The following WDPCP variants were observed in gnomAD, a reference collection of about 807,000 sequenced individuals.
WDPCP encodes WD repeat containing planar cell polarity effector, also known as WD repeat-containing and planar cell polarity effector protein fritz homolog.
WDPCP carries 71 observed loss-of-function variants against 93.1 expected under a neutral mutation model. That is an observed-to-expected ratio of 0.76 (90% CI 0.63 to 0.93). The LOEUF (loss-of-function observed/expected upper bound fraction) is 0.93, where lower values mean the gene tolerates loss of function less well. Ranked by LOEUF, WDPCP falls within the 40% of genes least tolerant of loss-of-function variation. The probability of loss-of-function intolerance (pLI) is 0.00; values close to 1 mark genes in which losing one functional copy is unlikely to be tolerated. For synonymous variants in WDPCP, 315 were observed against 315.0 expected (o/e 1.00, Z 0.00); for missense variants, 844 against 887.4 (o/e 0.95, Z 0.62).
At chr2:63,199,112 C>T (rs967954079) in intron 14 of WDPCP, among the ~76,000 whole-genome samples, 3 of 152,158 alleles carry the variant, frequency 2.0e-5, no homozygotes, top group African/African-American at 7.2e-5. Flanking sequence ...AGCAGCAAAG[C>T]ATTCAAGGTT....
intron 2 of WDPCP, among the ~76,000 whole-genome samples, chr2:63,779,900 T>C (rs1206807810): frequency 6.6e-6 from 1 of 152,216 alleles, no homozygotes. Context: ...AATTATACTT[T>C]CATTTCTTTT....
intron 2 of WDPCP, among the ~76,000 whole-genome samples, chr2:63,697,678 C>T (rs1290212299): frequency 1.3e-5 from 2 of 152,120 alleles, no homozygotes; most frequent in African/African-American, 2.4e-5. Flanking sequence ...AACAGAGTCT[C>T]ACTCTGTCAC....
intron 9 of WDPCP, among the ~76,000 whole-genome samples, chr2:63,408,783 G>C (rs537232668): frequency 1.3e-5 from 2 of 152,060 alleles, no homozygotes; most frequent in Admixed American, 6.6e-5. Flanking sequence ...GGCTCTCCCC[G>C]ACTTCCCTGA....
intron 2 of WDPCP, among the ~76,000 whole-genome samples, chr2:63,788,334 T>C (rs192275032): frequency 3.0e-4 from 46 of 152,228 alleles, no homozygotes; most frequent in Middle Eastern, 3.4e-3. Flanking sequence ...AATTTTCCAA[T>C]AGGGAGTCTA....
chr2:63,735,840 C>T (rs6709123), intron 2 of WDPCP, among the ~76,000 whole-genome samples: 62,385 of 152,116 alleles, frequency 0.41, 14,551 homozygotes, highest in African/African-American at 0.64. Context: ...CAAGCTTTGA[C>T]TGACTGGTGA....
chr2:63,715,814 T>G (rs1415487896), intron 2 of WDPCP, among the ~76,000 whole-genome samples: 1 of 152,130 alleles, frequency 6.6e-6, no homozygotes, highest in African/African-American at 2.4e-5. Flanking sequence ...CCATTCGTCA[T>G]AAAATCAGAG....
At chr2:63,797,139 C>A (rs1483204664) in intron 2 of WDPCP, among the ~76,000 whole-genome samples, 2 of 152,120 alleles carry the variant, frequency 1.3e-5, no homozygotes, top group Admixed American at 6.5e-5. Flanking sequence ...GATTCATTAC[C>A]TGTTAACTAA....
At chr2:63,728,106 T>A (rs1255249107) in intron 2 of WDPCP, among the ~76,000 whole-genome samples, 1 of 152,216 alleles carries the variant, frequency 6.6e-6, no homozygotes, top group African/African-American at 2.4e-5. Context: ...TTAATGTATC[T>A]TCTAACATCT....
At chr2:63,434,680 T>C (rs1276308421) in intron 8 of WDPCP, among the ~76,000 whole-genome samples, 2 of 152,120 alleles carry the variant, frequency 1.3e-5, no homozygotes, top group Non-Finnish European at 2.9e-5. Context: ...TTGCCATTGC[T>C]GGTCAGCAAT....
chr2:63,672,883 A>G (rs916634324), intron 2 of WDPCP, among the ~76,000 whole-genome samples: 1 of 152,074 alleles, frequency 6.6e-6, no homozygotes, highest in Admixed American at 6.6e-5. Flanking sequence ...AGCTGGAACC[A>G]TAGGCATGTG....
chr2:63,167,275 C>T (rs1222784393), intron 15 of WDPCP, among the ~76,000 whole-genome samples: 1 of 152,176 alleles, frequency 6.6e-6, no homozygotes, highest in Non-Finnish European at 1.5e-5. Flanking sequence ...CCTGCTCTGC[C>T]TCATTAATTT....
At chr2:63,705,284 G>C (rs1483232088) in intron 2 of WDPCP, among the ~76,000 whole-genome samples, 1 of 152,078 alleles carries the variant, frequency 6.6e-6, no homozygotes, top group Non-Finnish European at 1.5e-5. Flanking sequence ...AGGGTTTTTT[G>C]TGTCTCTGTT....
At chr2:63,551,433 G>A (rs983985492) in intron 1 of WDPCP, among the ~76,000 whole-genome samples, 3 of 151,990 alleles carry the variant, frequency 2.0e-5, no homozygotes, top group South Asian at 2.1e-4. Context: ...AAGTGAGATC[G>A]GGTTATTTAA....
rs1709500567 is a variant in WDPCP at position 63,605,011 on chromosome 2, T to A, written n.488+45648A>T. 7.4e-6 allele frequency: 6 copies of A among 812,436 alleles called. No individual in the cohort carries two copies. In the South Asian group the frequency reaches 9.0e-5, roughly 12 times the overall value. The allele number at this position is 812,436 out of a possible 1,614,324, so 50.3% of individuals were successfully genotyped here. ...TACTTTCGGGATCATAGTAAGCCAG[T>A]CATGATCTAGTGTGATCTGATGTGA... is the stretch of plus-strand genomic sequence containing the variant. On this transcript the variant is annotated intron_variant and non_coding_transcript_variant, in intron 3 of 4. Transcript: ENST00000467687.
intron 10 of WDPCP, among the ~76,000 whole-genome samples, chr2:63,382,345 G>C (rs1479606557): frequency 6.6e-6 from 1 of 151,952 alleles, no homozygotes; most frequent in Non-Finnish European, 1.5e-5. Context: ...ACAAAGATTG[G>C]GGGGTGGCAT....
In WDPCP at chr2:63,595,218, T is replaced by C. The variant is rs550856575; in HGVS notation, n.488+55441A>G. On this transcript the variant is annotated intron_variant and non_coding_transcript_variant, in intron 3 of 4. Transcript: ENST00000467687. ...TAGTGGTGATTCCTCTCACTGTGTC[T>C]GTTAGCAAACCAATGCTGGTTTTAT... Among the ~76,000 whole-genome samples the C allele has an allele frequency of 4.6e-5, 7 of 152,344 alleles. No homozygotes were observed. The South Asian group carries it at 1.5e-3, about 32-fold the overall frequency.
intron 17 of WDPCP, among the ~76,000 whole-genome samples, chr2:63,126,512 ATACTG>A (rs1421877079): frequency 6.6e-6 from 1 of 152,102 alleles, no homozygotes; most frequent in Non-Finnish European, 1.5e-5. Flanking sequence ...TTTGCTTATA[ATACTG>A]CATTCTTTCT....
chr2:63,824,284 C>T (rs1671075733), intron 1 of WDPCP, among the ~76,000 whole-genome samples: 3 of 151,864 alleles, frequency 2.0e-5, no homozygotes, highest in African/African-American at 7.3e-5. Context: ...TCCCCAGCCA[C>T]GTGGAACTGT....
chr2:63,175,395 G>A (rs1159919706), intron 14 of WDPCP, among the ~76,000 whole-genome samples: 2 of 140,306 alleles, frequency 1.4e-5, no homozygotes, highest in African/African-American at 5.2e-5. Flanking sequence ...TTTTTTGTAA[G>A]AAACATAAAC....
Sources: allele counts gnomAD v4.1 joint callset (sites outside exome capture counted in the v4.1 genomes callset), GRCh38; gene constraint gnomAD v4.1.1; transcripts MANE v1.5; gene names NCBI Gene and HGNC (gene_info 2026-07-23, HGNC 2026-07-21).